Variants in IL1RAPL1 observed in about 807,000 individuals in gnomAD.
The protein encoded by IL1RAPL1 is interleukin 1 receptor accessory protein like 1.
IL1RAPL1 carries 3 observed loss-of-function variants against 48.4 expected under a neutral mutation model. The observed-to-expected ratio is 0.06, with a 90% CI of 0.03 to 0.16. IL1RAPL1 has a LOEUF of 0.16. Ranked by LOEUF, IL1RAPL1 falls within the 10% of genes least tolerant of loss-of-function variation. The probability of loss-of-function intolerance (pLI) is 1.00; values close to 1 mark genes in which losing one functional copy is unlikely to be tolerated. For synonymous variants in IL1RAPL1, 185 were observed against 187.7 expected, an observed-to-expected ratio of 0.99 and a Z score of 0.12; for missense variants, 349 against 530.6, an observed-to-expected ratio of 0.66 and a Z score of 3.36.
intron 2 of IL1RAPL1, among the ~76,000 whole-genome samples, chrX:29,266,496 T>C (rs1410757085): frequency 9.0e-6 from 1 of 111,633 alleles, no homozygotes; most frequent in Non-Finnish European, 1.9e-5. Context: ...TCATCATTAA[T>C]AGGAACTCAC....
chrX:28,852,237 T>G (rs1325575030), intron 2 of IL1RAPL1, among the ~76,000 whole-genome samples: 1 of 111,405 alleles, frequency 9.0e-6, no homozygotes, highest in East Asian at 2.8e-4. Flanking sequence ...AAATAGACAA[T>G]AGCATGACAA....
chrX:29,558,854 T>G (rs1922092286), intron 5 of IL1RAPL1, among the ~76,000 whole-genome samples: 1 of 111,732 alleles, frequency 8.9e-6, no homozygotes, highest in African/African-American at 3.2e-5. Context: ...TATGTGGATT[T>G]ATTGCTGAGA....
rs779542998 is a variant in IL1RAPL1 at position 29,472,310 on chromosome X, A to G, written c.703+73002A>G. 9.0e-5 allele frequency among the ~76,000 whole-genome samples: 10 copies of G among 110,888 alleles called. No individual in the cohort carries two copies. The East Asian group carries it at 2.8e-3, about 32-fold the overall frequency. On this transcript the variant is annotated intron_variant, in intron 5 of 10. Coordinates refer to ENST00000378993, the MANE Select transcript of IL1RAPL1 (RefSeq NM_014271.4). ...TGTTGCTTCTCTGTCTCTTTTGCAG[A>G]CTCACTTTTTCTCCTTGGCTAGTAA...
At chrX:29,623,143 C>T (rs1400813482) in intron 5 of IL1RAPL1, among the ~76,000 whole-genome samples, 4 of 107,381 alleles carry the variant, frequency 3.7e-5, no homozygotes, top group African/African-American at 1.4e-4. Flanking sequence ...TTAGCCTGGC[C>T]TGGTGGCGGG....
intron 2 of IL1RAPL1, among the ~76,000 whole-genome samples, chrX:29,005,437 A>T (rs750219956): frequency 8.9e-6 from 1 of 111,936 alleles, no homozygotes; most frequent in South Asian, 3.7e-4. Context: ...TTTTCCTCTG[A>T]TTTGAAATTA....
chrX:29,064,267 G>A (rs1927402617), intron 2 of IL1RAPL1, among the ~76,000 whole-genome samples: 1 of 112,267 alleles, frequency 8.9e-6, no homozygotes, highest in Admixed American at 9.4e-5. Context: ...GAAATACCAA[G>A]ATGAAGAAGA....
chrX:29,862,152 C>A (rs1313907488), intron 6 of IL1RAPL1, among the ~76,000 whole-genome samples: 1 of 103,606 alleles, frequency 9.7e-6, no homozygotes. Context: ...AGAGCAAGAC[C>A]CTGTCTCAAA....
At chrX:29,226,028 A>G (rs1319224819) in intron 2 of IL1RAPL1, among the ~76,000 whole-genome samples, 2 of 111,718 alleles carry the variant, frequency 1.8e-5, no homozygotes, top group Non-Finnish European at 1.9e-5. Flanking sequence ...GGTGGTGTCA[A>G]TGCCATTGGT....
intron 2 of IL1RAPL1, among the ~76,000 whole-genome samples, chrX:29,129,816 A>G (rs1043807894): frequency 7.3e-5 from 8 of 109,166 alleles, no homozygotes; most frequent in Non-Finnish European, 1.1e-4. Context: ...GGATGGTCTC[A>G]ATCTCCTGAC....
intron 2 of IL1RAPL1, among the ~76,000 whole-genome samples, chrX:28,924,746 C>G (rs1174046359): frequency 1.8e-5 from 2 of 112,066 alleles, no homozygotes; most frequent in Admixed American, 1.9e-4. Flanking sequence ...GGAGTAGGTA[C>G]ATGATGGAAA....
intron 6 of IL1RAPL1, among the ~76,000 whole-genome samples, chrX:29,784,708 T>C (rs1177318255): frequency 1.8e-5 from 2 of 109,776 alleles, no homozygotes; most frequent in Non-Finnish European, 3.8e-5. Flanking sequence ...GATAGTGAGG[T>C]TTCCAGCTGA....
intron 5 of IL1RAPL1, among the ~76,000 whole-genome samples, chrX:29,483,330 T>TAA (rs1935060247): frequency 9.0e-6 from 1 of 111,699 alleles, no homozygotes; most frequent in Non-Finnish European, 1.9e-5. Flanking sequence ...CTTGAGGAAG[T>TAA]AATGTATGGC....
At chrX:29,016,554 A>C (rs1041625053) in intron 2 of IL1RAPL1, among the ~76,000 whole-genome samples, 1 of 111,167 alleles carries the variant, frequency 9.0e-6, no homozygotes, top group Non-Finnish European at 1.9e-5. Flanking sequence ...TCTAGGCAGC[A>C]TAAGAAGTTT....
At chrX:29,730,963 T>C (rs1244052385) in intron 6 of IL1RAPL1, among the ~76,000 whole-genome samples, 2 of 112,288 alleles carry the variant, frequency 1.8e-5, no homozygotes, top group Non-Finnish European at 3.8e-5. Flanking sequence ...CCTGAGTGTT[T>C]TACTCTATCC....
chrX:28,715,757 G>A (rs1174954104), intron 1 of IL1RAPL1, among the ~76,000 whole-genome samples: 2 of 111,277 alleles, frequency 1.8e-5, no homozygotes, highest in African/African-American at 6.5e-5. Flanking sequence ...GATGTACAAA[G>A]AAGAGCTGGT....
intron 1 of IL1RAPL1, among the ~76,000 whole-genome samples, chrX:28,767,034 T>C (rs1936249366): frequency 8.9e-6 from 1 of 111,876 alleles, no homozygotes; most frequent in Non-Finnish European, 1.9e-5. Flanking sequence ...TATACTGATT[T>C]CCTTTCTTTT....
chrX:29,487,571 C>T (rs1405668800), intron 5 of IL1RAPL1, among the ~76,000 whole-genome samples: 3 of 111,917 alleles, frequency 2.7e-5, no homozygotes, highest in African/African-American at 9.8e-5. Flanking sequence ...TGTTTGCAAC[C>T]GTAATAGTCC....
intron 2 of IL1RAPL1, among the ~76,000 whole-genome samples, chrX:29,194,187 A>G (rs1040935067): frequency 8.9e-6 from 1 of 112,516 alleles, no homozygotes; most frequent in Non-Finnish European, 1.9e-5. Flanking sequence ...AAACATTACC[A>G]TATATAAATT....
intron 6 of IL1RAPL1, among the ~76,000 whole-genome samples, chrX:29,884,746 C>G (rs1461774711): frequency 1.8e-5 from 2 of 111,775 alleles, no homozygotes; most frequent in African/African-American, 6.5e-5. Context: ...CTGCACCACC[C>G]ACAGCCTTCT....
Sources: allele counts gnomAD v4.1 joint callset (sites outside exome capture counted in the v4.1 genomes callset), GRCh38; gene constraint gnomAD v4.1.1; transcripts MANE v1.5; gene names NCBI Gene and HGNC (gene_info 2026-07-23, HGNC 2026-07-21).